Variants in PPP3R1 observed in about 807,000 individuals in gnomAD.
PPP3R1 encodes the protein calcineurin subunit B type 1.
In PPP3R1, 5 loss-of-function variants were observed where a neutral mutation model predicts 22.6. That is an observed-to-expected ratio of 0.22 (90% CI 0.12 to 0.46). The LOEUF is 0.46. PPP3R1 is among the 20% of genes least tolerant of loss of function. The pLI is 0.99. For missense variants in PPP3R1, 61 were observed against 203.2 expected, an observed-to-expected ratio of 0.30 and a Z score of 4.25; for synonymous variants, 56 against 65.2, an observed-to-expected ratio of 0.86 and a Z score of 0.68.
intron 1 of PPP3R1, among the ~76,000 whole-genome samples, chr2:68,232,109 AT>A (rs201113379): frequency 0.27 from 24,016 of 90,070 alleles, 3,847 homozygotes; most frequent in South Asian, 0.52. Context: ...AAAAAAAAAA[AT>A]ATATATATAT....
rs1558641460 is a variant in PPP3R1, at chr2:68,232,225, G to GTA, written c.4-15095_4-15094insTA. Among the ~76,000 whole-genome samples, 180 of 76,124 alleles carry GTA rather than the reference G, an allele frequency of 2.4e-3. 2 individuals are homozygous for GTA. Among genetic ancestry groups the GTA allele is most frequent in the South Asian group, 7.9e-3 (14 of 1,762 alleles). 49.9% of individuals were successfully genotyped at this position (76,124 alleles called of 152,430 possible). A position where few individuals can be genotyped will look rare whatever the true frequency, so the allele number is the denominator to read the frequency against. On this transcript the variant is annotated intron_variant, in intron 1 of 5. Transcript: ENST00000234310. Reference sequence around the variant, plus strand: ...ATATACATATTGTATATGTATATATGTGTGTGTGTGTGTGTGTGTGTGTGT... The same window carrying GTA: ...ATATACATATTGTATATGTATATATGTATGTGTGTGTGTGTGTGTGTGTGTGT...
At chr2:68,203,272 T>C (rs1675024862) in intron 2 of PPP3R1, among the ~76,000 whole-genome samples, 1 of 152,194 alleles carries the variant, frequency 6.6e-6, no homozygotes, top group Non-Finnish European at 1.5e-5. Flanking sequence ...CACAAGTCAA[T>C]TTCAAAATTA....
At chr2:68,194,102 A>G (rs749674214) in intron 2 of PPP3R1, among the ~76,000 whole-genome samples, 1 of 152,140 alleles carries the variant, frequency 6.6e-6, no homozygotes, top group Non-Finnish European at 1.5e-5. Context: ...AAATGCCTAC[A>G]TATTCAATTG....
intron 1 of PPP3R1, among the ~76,000 whole-genome samples, chr2:68,237,840 T>C (rs1438375458): frequency 6.6e-6 from 1 of 152,164 alleles, no homozygotes; most frequent in East Asian, 1.9e-4. Context: ...TTAGCTGTTC[T>C]AGAATCTCCA....
At chr2:68,187,364 A>G in intron 3 of PPP3R1, 50 bp from the exon 4 acceptor site, 1 of 1,456,980 alleles carries the variant, frequency 6.9e-7, no homozygotes, top group African/African-American at 1.4e-5. Flanking sequence ...AATTTTTTAC[A>G]CAAAAAACAT....
At chr2:68,197,404 T>C (rs1674807215) in intron 2 of PPP3R1, among the ~76,000 whole-genome samples, 1 of 152,222 alleles carries the variant, frequency 6.6e-6, no homozygotes, top group Non-Finnish European at 1.5e-5. Context: ...ATTATATGGA[T>C]ATACCACAAT....
At chr2:68,187,050 T>A (rs891836135) in intron 4 of PPP3R1, among the ~76,000 whole-genome samples, 12 of 152,226 alleles carry the variant, frequency 7.9e-5, no homozygotes, top group African/African-American at 2.9e-4. Context: ...TTTCCTTCTA[T>A]CCAACTAAAA....
chr2:68,216,757 A>G (rs1330321862), intron 2 of PPP3R1, among the ~76,000 whole-genome samples: 6 of 152,184 alleles, frequency 3.9e-5, no homozygotes, highest in African/African-American at 1.4e-4. Flanking sequence ...CTGAGTCACC[A>G]AAGAGAAAAG....
intron 2 of PPP3R1, among the ~76,000 whole-genome samples, chr2:68,211,288 T>C (rs1349395167): frequency 6.6e-6 from 1 of 150,816 alleles, no homozygotes; most frequent in African/African-American, 2.4e-5. Flanking sequence ...GCGCCTGTAG[T>C]CCCAGCTACT....
chr2:68,184,972 G>A (rs1301804336), intron 5 of PPP3R1, among the ~76,000 whole-genome samples: 1 of 152,178 alleles, frequency 6.6e-6, no homozygotes, highest in Non-Finnish European at 1.5e-5. Context: ...TATAATCCCA[G>A]CACTTTGGGA....
At chr2:68,229,961 TATATACACAC>T (rs1476561153) in intron 1 of PPP3R1, among the ~76,000 whole-genome samples, 1 of 91,162 alleles carries the variant, frequency 1.1e-5, no homozygotes, top group African/African-American at 4.5e-5. Flanking sequence ...TGTGTGTGTA[TATATACACAC>T]ATACACACAC....
intron 1 of PPP3R1, among the ~76,000 whole-genome samples, chr2:68,230,098 T>G (rs1294068105): frequency 6.6e-6 from 1 of 151,974 alleles, no homozygotes; most frequent in Non-Finnish European, 1.5e-5. Context: ...GCTTAAGCAA[T>G]GCCCCCATCT....
At chr2:68,214,383 C>A (rs1250146366) in intron 2 of PPP3R1, among the ~76,000 whole-genome samples, 1 of 152,042 alleles carries the variant, frequency 6.6e-6, no homozygotes, top group Non-Finnish European at 1.5e-5. Context: ...GCTAACTACG[C>A]ATCTATCAAA....
rs1263643316 is a variant in PPP3R1, at chr2:68,188,612, TC to T, written c.121del (p.Glu41LysfsTer14). ...DLDNSGSLSV[E>X]EFMSLPELQQ... The stretch of plus-strand genomic sequence containing the variant: ...TAACTCAGGCAGAGACATGAACTCT[TC>T]CACACTCAAAGAACCAGAATTGTCC... On this transcript the variant is annotated frameshift_variant, in exon 3 of 6. Transcript: ENST00000234310. LOFTEE classifies it high-confidence loss of function. 1 of 1,613,534 alleles carries T rather than the reference TC, an allele frequency of 6.2e-7. No homozygotes were observed. Among genetic ancestry groups the T allele is most frequent in the Non-Finnish European group, 8.5e-7 (1 of 1,179,630 alleles).
chr2:68,187,361 T>C, intron 3 of PPP3R1, 47 bp from the exon 4 acceptor site: 1 of 1,487,844 alleles, frequency 6.7e-7, no homozygotes, highest in Non-Finnish European at 9.2e-7. Flanking sequence ...TCCAATTTTT[T>C]ACACAAAAAA....
intron 2 of PPP3R1, among the ~76,000 whole-genome samples, chr2:68,201,865 T>C (rs1023971697): frequency 1.3e-5 from 2 of 152,238 alleles, no homozygotes; most frequent in African/African-American, 4.8e-5. Flanking sequence ...ACTCCTATTC[T>C]TTTTAGGTAA....
chr2:68,191,246 C>CCTA (rs1168830782), intron 2 of PPP3R1, among the ~76,000 whole-genome samples: 1 of 152,164 alleles, frequency 6.6e-6, no homozygotes, highest in Non-Finnish European at 1.5e-5. Flanking sequence ...TGTGGGACAG[C>CCTA]CTACTACACA....
intron 1 of PPP3R1, among the ~76,000 whole-genome samples, chr2:68,240,988 A>G (rs1211024723): frequency 6.6e-6 from 1 of 152,238 alleles, no homozygotes; most frequent in Non-Finnish European, 1.5e-5. Flanking sequence ...GAGAATTTCA[A>G]GAGTTCCCGA....
chr2:68,207,086 A>G (rs538654183), intron 2 of PPP3R1, among the ~76,000 whole-genome samples: 15 of 147,074 alleles, frequency 1.0e-4, no homozygotes, highest in South Asian at 2.3e-4. Flanking sequence ...CTCTTCCAAT[A>G]GTAAAGAGGT....
Sources: allele counts gnomAD v4.1 joint callset (sites outside exome capture counted in the v4.1 genomes callset), GRCh38; gene constraint gnomAD v4.1.1; transcripts MANE v1.5; gene names NCBI Gene and HGNC (gene_info 2026-07-23, HGNC 2026-07-21).